TRAP1: variants seen among roughly 807,000 people sequenced by gnomAD.
TRAP1 encodes heat shock protein 75 kDa, mitochondrial.
In TRAP1, 102 loss-of-function variants were observed where a neutral mutation model predicts 89.1. That is an observed-to-expected ratio of 1.15 (90% CI 0.98 to 1.35). TRAP1 has a LOEUF of 1.35. Ranked by LOEUF, TRAP1 falls within the 40% of genes most tolerant of loss-of-function variation. The pLI is 0.00. For synonymous variants in TRAP1, 508 were observed against 388.0 expected (o/e 1.31, Z -3.64); for missense variants, 1,256 against 945.3 (o/e 1.33, Z -4.31).
rs1418321712 is a variant in TRAP1 at position 3,689,096 on chromosome 16, GCTT to G, written c.286_288del (p.Lys96del). 1.2e-6 allele frequency: 2 copies of G among 1,613,874 alleles called. No homozygotes were observed. Among genetic ancestry groups the G allele is most frequent in the Non-Finnish European group, 8.5e-7 (1 of 1,179,970 alleles). On this transcript the variant is annotated inframe_deletion, in exon 3 of 18. Transcript: ENST00000246957. ...AGGGACCGGGCAACAATGTCCAAAA[GCTT>G]CTTTGTCTCGGCCTGGAACTCATGT...
At chr16:3,682,975 C>T (rs1002622910) in intron 4 of TRAP1, among the ~76,000 whole-genome samples, 6 of 151,612 alleles carry the variant, frequency 4.0e-5, no homozygotes, top group African/African-American at 1.2e-4. Context: ...TTAAGATCAG[C>T]CTGACCGACA....
rs200830422 is a variant in TRAP1, at chr16:3,676,022, G to A, written c.814+14C>T. On this transcript the variant is annotated intron_variant, in intron 7 of 17. Coordinates refer to ENST00000246957, the MANE Select transcript of TRAP1 (RefSeq NM_016292.3). ...TGGATCCCAGAGTGAGCCTGGGCCC[G>A]GGCTCCCGCTCACCTCGCACCCGGG... The A allele has an allele frequency of 5.8e-5, 93 of 1,606,494 alleles. No individual in the cohort carries two copies. In the African/African-American group the frequency reaches 8.7e-4, roughly 15 times the overall value.
chr16:3,670,043 G>A (rs2151249327), intron 11 of TRAP1, among the ~76,000 whole-genome samples: 1 of 151,786 alleles, frequency 6.6e-6, no homozygotes, highest in South Asian at 2.1e-4. Context: ...AATAAACTAG[G>A]TAGAAAAAAG....
At chr16:3,658,300 A>AGAGT in intron 17 of TRAP1, 70 bp from the exon 18 acceptor site, 1 of 1,251,820 alleles carries the variant, frequency 8.0e-7, no homozygotes, top group Non-Finnish European at 1.1e-6. Flanking sequence ...TTTTTGAGAC[A>AGAGT]GAGTCTCACT....
intron 1 of TRAP1, chr16:3,691,232 G>T: frequency 3.2e-6 from 1 of 309,824 alleles, no homozygotes; most frequent in African/African-American, 2.2e-5. Context: ...AAACTGGAGG[G>T]GGTGGGCTGC....
At chr16:3,713,253 A>C (rs2051555282) in intron 1 of TRAP1, among the ~76,000 whole-genome samples, 1 of 152,218 alleles carries the variant, frequency 6.6e-6, no homozygotes, top group African/African-American at 2.4e-5. Flanking sequence ...CACAGGCTCC[A>C]AACAAAGGGA....
chr16:3,663,431 C>A lies in TRAP1; in HGVS notation c.1701G>T (p.Arg567Ser). The A allele has an allele frequency of 6.2e-7, 1 of 1,614,082 alleles. No individual in the cohort carries two copies. Among genetic ancestry groups the A allele is most frequent in the South Asian group, 1.1e-5 (1 of 91,082 alleles). Residue 567 changes from arginine to serine, a missense_variant, in exon 14 of 18, where the codon AGG becomes AGT. Coordinates refer to ENST00000246957, the MANE Select transcript of TRAP1 (RefSeq NM_016292.3). ...DHYKEEKFED[R>S]SPAAECLSEK... ...AGAGCAGGGGATGCCGACCTGGGGA[C>A]CTGTCCTCAAACTTCTCCTCCTTGT...
intron 15 of TRAP1, chr16:3,662,592 G>T: frequency 1.6e-6 from 1 of 622,978 alleles, no homozygotes; most frequent in Non-Finnish European, 3.0e-6. Context: ...CCCTTGTTTG[G>T]AACCCCCACG....
rs912562632 is a variant in TRAP1 at position 3,663,810 on chromosome 16, A to G, written c.1570-248T>C. The G allele has an allele frequency of 1.6e-4, 84 of 516,136 alleles. 1 individual carries two copies. The highest frequency in any genetic ancestry group is 4.5e-5 in the Non-Finnish European group (13 of 287,888). The allele number at this position is 516,136 out of a possible 1,614,324, so 32.0% of individuals were successfully genotyped here. ...CACATGTGGCTGAGTGCAGTGGCTC[A>G]CGCCTGTAATCCCAGCACTTTGGGA... On this transcript the variant is annotated intron_variant, in intron 13 of 17. Coordinates refer to ENST00000246957, the MANE Select transcript of TRAP1 (RefSeq NM_016292.3).
intron 1 of TRAP1, among the ~76,000 whole-genome samples, chr16:3,701,052 A>G (rs906785332): frequency 1.3e-5 from 2 of 152,248 alleles, no homozygotes; most frequent in Non-Finnish European, 2.9e-5. Context: ...CATGCTATCT[A>G]CAAGACACTT....
At position 3,658,793 on chromosome 16, in the gene TRAP1, C is replaced by G. The variant is rs768336641; in HGVS notation, c.2013G>C (p.Gln671His). Residue 671 changes from glutamine to histidine, a missense_variant and splice_region_variant, in exon 17 of 18, where the codon CAG becomes CAC. Transcript: ENST00000246957. ...AGTCATCCTAAGCTGCTGCACTCAC[C>G]TGATCCACCAGCAGCTGAGCCAGGC... ...EPGLAQLLVD[Q>H]IYENAMIAAG... is the part of the protein sequence containing the mutation. 2.6e-5 allele frequency: 42 copies of G among 1,613,518 alleles called. No individual in the cohort carries two copies. Among genetic ancestry groups the G allele is most frequent in the Non-Finnish European group, 3.4e-5 (40 of 1,179,898 alleles).
intron 10 of TRAP1, among the ~76,000 whole-genome samples, 157 bp downstream of exon 10, chr16:3,672,543 G>C (rs568297005): frequency 1.3e-5 from 2 of 152,250 alleles, no homozygotes; most frequent in Middle Eastern, 3.4e-3. Context: ...GGCAGCTCCC[G>C]GGGTCTGTAA....
rs114187391 is a variant in TRAP1, at chr16:3,665,908, G to C, written c.1383+63C>G. The C allele has an allele frequency of 9.3e-4, 1,450 of 1,565,588 alleles. 12 individuals carry two copies. The African/African-American group carries it at 0.017, about 18-fold the overall frequency. On this transcript the variant is annotated intron_variant, in intron 12 of 17. Coordinates refer to ENST00000246957, the MANE Select transcript of TRAP1 (RefSeq NM_016292.3). ...GCCACATCAGGGGACACCTCCACCAGCTTCCTCAGCAGCCCCAGGGACAAG... is the reference window on the plus strand; with the variant it reads ...GCCACATCAGGGGACACCTCCACCACCTTCCTCAGCAGCCCCAGGGACAAG...
At chr16:3,670,024 A>G (rs1334913967) in intron 11 of TRAP1, among the ~76,000 whole-genome samples, 4 of 152,016 alleles carry the variant, frequency 2.6e-5, no homozygotes, top group African/African-American at 9.7e-5. Flanking sequence ...CAACATGGGA[A>G]GTGGTGCAAA....
At chr16:3,702,099 G>C (rs774440010) in intron 1 of TRAP1, among the ~76,000 whole-genome samples, 15 of 151,894 alleles carry the variant, frequency 9.9e-5, no homozygotes, top group Non-Finnish European at 1.0e-4. Context: ...TCCCAGCCTG[G>C]GCGACACAGT....
intron 1 of TRAP1, among the ~76,000 whole-genome samples, chr16:3,711,839 G>A (rs1045986542): frequency 1.6e-4 from 24 of 152,150 alleles, no homozygotes; most frequent in African/African-American, 5.6e-4. Context: ...TAGAAGGCAG[G>A]TCTTCAGTAG....
intron 13 of TRAP1, chr16:3,663,864 G>A: frequency 5.0e-6 from 2 of 401,090 alleles, no homozygotes; most frequent in Non-Finnish European, 9.1e-6. Context: ...ATGAGGTCAG[G>A]AGTTCGAGAC....
At chr16:3,715,072 A>C (rs1376612278) in intron 1 of TRAP1, among the ~76,000 whole-genome samples, 4 of 152,228 alleles carry the variant, frequency 2.6e-5, no homozygotes, top group Non-Finnish European at 5.9e-5. Context: ...CATTTCTTAG[A>C]CTCAGGCAGA....
rs764199097 is a variant in TRAP1, at chr16:3,690,903, T to C, written c.171A>G (p.Arg57=). Residue 57 remains arginine (R), a synonymous_variant, in exon 2 of 18, where the codon CGA becomes CGG. Transcript: ENST00000246957. The stretch of plus-strand genomic sequence containing the variant: ...CCTCGGCGGTCTGCGTGCTGAACAG[T>C]CGTCCTGCCTGCAAGCTCCAGGCTG... ...RNPAWSLQAG[R]LFSTQTAEDK... is the part of the protein sequence containing the mutation. 1.7e-5 allele frequency: 27 copies of C among 1,593,332 alleles called. No homozygotes were observed. Among genetic ancestry groups the C allele is most frequent in the East Asian group, 2.4e-5 (1 of 42,484 alleles).
Sources: gnomAD v4.1 joint callset for allele counts (sites outside exome capture counted in the v4.1 genomes callset) on GRCh38, gnomAD v4.1.1 for gene constraint, MANE v1.5 for transcripts, NCBI Gene and HGNC (gene_info 2026-07-23, HGNC 2026-07-21) for gene names.